The following CCDC148 variants were observed in gnomAD, a reference collection of about 807,000 sequenced individuals.
CCDC148 encodes the protein coiled-coil domain-containing protein 148.
A neutral mutation model predicts 85.7 loss-of-function variants in CCDC148; 89 were observed. The observed-to-expected ratio is 1.04, with a 90% CI of 0.87 to 1.24. The LOEUF is 1.24. Ranked by LOEUF, CCDC148 falls within the 50% of genes most tolerant of loss-of-function variation. CCDC148 has a pLI of 0.00. For missense variants in CCDC148, 692 were observed against 671.7 expected (o/e 1.03, Z -0.33); for synonymous variants, 230 against 213.9 (o/e 1.08, Z -0.66).
At chr2:158,222,059 T>C (rs747859072) in intron 10 of CCDC148, among the ~76,000 whole-genome samples, 1 of 152,242 alleles carries the variant, frequency 6.6e-6, no homozygotes, top group Non-Finnish European at 1.5e-5. Flanking sequence ...TTTATTCTTT[T>C]CTGCATTACC....
chr2:158,297,586 C>A (rs780591873), intron 9 of CCDC148, among the ~76,000 whole-genome samples: 1 of 152,098 alleles, frequency 6.6e-6, no homozygotes, highest in Non-Finnish European at 1.5e-5. Context: ...ACCCAGACAC[C>A]CTCTGTGTCA....
chr2:158,416,045 T>C (rs1050420185), intron 1 of CCDC148, among the ~76,000 whole-genome samples: 1 of 152,356 alleles, frequency 6.6e-6, no homozygotes, highest in Non-Finnish European at 1.5e-5. Flanking sequence ...TCTTGTCTTC[T>C]GGGCACCTGC....
At chr2:158,387,001 T>C (rs1160461327) in intron 1 of CCDC148, among the ~76,000 whole-genome samples, 1 of 152,164 alleles carries the variant, frequency 6.6e-6, no homozygotes, top group Non-Finnish European at 1.5e-5. Flanking sequence ...GGGACAAAAA[T>C]GGGACTATAA....
intron 9 of CCDC148, among the ~76,000 whole-genome samples, chr2:158,279,275 C>T (rs2685649): frequency 0.31 from 47,342 of 151,968 alleles, 8,162 homozygotes; most frequent in Middle Eastern, 0.45. Flanking sequence ...CAAAGCTGGA[C>T]GGAGAATGAC....
intron 10 of CCDC148, among the ~76,000 whole-genome samples, chr2:158,248,692 G>C (rs1010014879): frequency 1.3e-5 from 2 of 152,068 alleles, no homozygotes; most frequent in African/African-American, 4.8e-5. Context: ...AGATTTTCAT[G>C]TTTTTTCAAC....
intron 7 of CCDC148, among the ~76,000 whole-genome samples, chr2:158,328,858 GTTGT>G (rs1339407830): frequency 1.1e-4 from 16 of 152,204 alleles, no homozygotes; most frequent in East Asian, 3.9e-4. Flanking sequence ...TTTTGATGGG[GTTGT>G]TTGTTTTTTT....
intron 11 of CCDC148, among the ~76,000 whole-genome samples, chr2:158,184,229 T>G (rs1685046752): frequency 6.6e-6 from 1 of 152,114 alleles, no homozygotes; most frequent in Non-Finnish European, 1.5e-5. Flanking sequence ...ACAGGGTCTC[T>G]GCAGAATCAG....
intron 10 of CCDC148, among the ~76,000 whole-genome samples, chr2:158,241,996 G>A (rs530638610): frequency 6.6e-6 from 1 of 152,250 alleles, no homozygotes; most frequent in South Asian, 2.1e-4. Flanking sequence ...ACCATAGGAT[G>A]TACTTACTAA....
chr2:158,182,371 A>G (rs999946068), intron 11 of CCDC148, among the ~76,000 whole-genome samples: 1 of 152,142 alleles, frequency 6.6e-6, no homozygotes, highest in African/African-American at 2.4e-5. Context: ...TGGTCCTAAG[A>G]TGTTAGGGAA....
At chr2:158,378,546 G>C (rs1684746639) in intron 1 of CCDC148, among the ~76,000 whole-genome samples, 1 of 152,130 alleles carries the variant, frequency 6.6e-6, no homozygotes, top group African/African-American at 2.4e-5. Context: ...ACCTTATGCT[G>C]AAAGAAAATG....
chr2:158,456,104 T>C (rs1688689976), intron 1 of CCDC148, among the ~76,000 whole-genome samples: 1 of 152,186 alleles, frequency 6.6e-6, no homozygotes, highest in Admixed American at 6.5e-5. Context: ...TACACACAGA[T>C]GTGTTTAATA....
intron 9 of CCDC148, among the ~76,000 whole-genome samples, chr2:158,270,846 A>G (rs1001075346): frequency 6.6e-6 from 1 of 152,158 alleles, no homozygotes; most frequent in Non-Finnish European, 1.5e-5. Flanking sequence ...TATTTTCAAA[A>G]TGGTAAAAGC....
intron 1 of CCDC148, among the ~76,000 whole-genome samples, chr2:158,383,022 G>T (rs1684942714): frequency 6.6e-6 from 1 of 151,916 alleles, no homozygotes; most frequent in Non-Finnish European, 1.5e-5. Flanking sequence ...GACATAGGCT[G>T]GGTGCAGTGG....
chr2:158,322,408 C>T (rs1692563305), intron 7 of CCDC148, among the ~76,000 whole-genome samples: 1 of 151,920 alleles, frequency 6.6e-6, no homozygotes, highest in East Asian at 1.9e-4. Flanking sequence ...AGGAATGACA[C>T]TGGATATGAT....
chr2:158,424,912 T>A, intron 1 of CCDC148: 2 of 271,968 alleles, frequency 7.4e-6, no homozygotes, highest in Non-Finnish European at 1.5e-5. Flanking sequence ...GTAACGAAAT[T>A]GTTAGACAGC....
intron 1 of CCDC148, among the ~76,000 whole-genome samples, chr2:158,412,715 A>G (rs1686312595): frequency 6.6e-6 from 1 of 152,014 alleles, no homozygotes; most frequent in Non-Finnish European, 1.5e-5. Context: ...ATTTTAACAT[A>G]GCAATTATCC....
intron 1 of CCDC148, among the ~76,000 whole-genome samples, chr2:158,403,780 T>C (rs1474731213): frequency 1.3e-5 from 2 of 152,100 alleles, no homozygotes; most frequent in African/African-American, 4.8e-5. Flanking sequence ...ATTTATTTAG[T>C]TGACAGATGA....
At chr2:158,434,960 A>C (rs1687566875) in intron 1 of CCDC148, among the ~76,000 whole-genome samples, 1 of 152,336 alleles carries the variant, frequency 6.6e-6, no homozygotes. Context: ...AAAGCCTCCA[A>C]GAAATATGGG....
intron 1 of CCDC148, among the ~76,000 whole-genome samples, chr2:158,360,678 C>T (rs988878199): frequency 1.9e-4 from 29 of 152,264 alleles, no homozygotes; most frequent in Admixed American, 9.2e-4. Context: ...AGCTTACCAA[C>T]ATCAAAGACC....
Sources: gnomAD v4.1 joint callset for allele counts (sites outside exome capture counted in the v4.1 genomes callset) on GRCh38, gnomAD v4.1.1 for gene constraint, MANE v1.5 for transcripts, NCBI Gene and HGNC (gene_info 2026-07-23, HGNC 2026-07-21) for gene names.